RSPO1: variants seen among roughly 807,000 people sequenced by gnomAD.
RSPO1 encodes R-spondin 1.
Under a neutral mutation model 26.0 loss-of-function variants are expected in RSPO1, and 18 were observed. The ratio of observed to expected loss-of-function variants is 0.69; its 90% CI spans 0.48 to 1.03. The LOEUF is 1.03. Among genes scored for constraint, RSPO1 ranks in the 50% least tolerant of loss-of-function variants. The pLI is 0.00. For missense variants in RSPO1, 309 were observed against 352.3 expected (o/e 0.88, Z 0.98); for synonymous variants, 133 against 137.4 (o/e 0.97, Z 0.22).
chr1:37,613,001 G>A lies in RSPO1; in HGVS notation c.626-80C>T, dbSNP rs1312718528. The A allele has an allele frequency of 1.3e-6, 2 of 1,527,150 alleles. No homozygotes were observed. The highest frequency in any genetic ancestry group is 1.1e-5 in the South Asian group (1 of 89,254). The allele number at this position is 1,527,150 out of a possible 1,614,324, so 94.6% of individuals were successfully genotyped here. A position where few individuals can be genotyped will look rare whatever the true frequency, so the allele number is the denominator to read the frequency against. On this transcript the variant is annotated intron_variant, in intron 6 of 6. Transcript: ENST00000356545. This position sits in a 1 kb window ranked among gnomAD's most constrained non-coding sequence, Gnocchi z 4.5. ...GGCATGGCCACAGGCCCTAGGAGGG[G>A]AGTGTGAGGAAGCCGGAAGGGGAGG...
Position 37,634,455 on chromosome 1 carries a change from T to TC in RSPO1, c.-356+110dup, listed in dbSNP as rs1384827668. On this transcript the variant is annotated intron_variant, in intron 1 of 6. Transcript: ENST00000356545. This position sits in a 1 kb window ranked among gnomAD's most constrained non-coding sequence, Gnocchi z 4.7. ...GATCAGACTCCCCTTCCTTTCTGTC[T>TC]CCCCCCACGCACCCAGCTAGAACCA... 1.3e-5 allele frequency: 2 copies of TC among 151,570 alleles called. No individual in the cohort carries two copies. Among genetic ancestry groups the TC allele is most frequent in the African/African-American group, 2.4e-5 (1 of 41,104 alleles). 9.4% of individuals were successfully genotyped at this position (151,570 alleles called of 1,614,324 possible).
chr1:37,626,073 A>G (rs1257352003), intron 3 of RSPO1, among the ~76,000 whole-genome samples: 2 of 151,496 alleles, frequency 1.3e-5, no homozygotes, highest in African/African-American at 2.4e-5. Context: ...CACCTCCCCC[A>G]CCCTCTATGC....
intron 4 of RSPO1, among the ~76,000 whole-genome samples, chr1:37,615,128 T>C (rs1644091838): frequency 6.6e-6 from 1 of 152,120 alleles, no homozygotes; most frequent in Non-Finnish European, 1.5e-5. Context: ...TAGGAGCTGG[T>C]GTAGCCAGGA....
At chr1:37,622,606 G>A (rs1443141165) in intron 3 of RSPO1, among the ~76,000 whole-genome samples, 1 of 152,236 alleles carries the variant, frequency 6.6e-6, no homozygotes, top group African/African-American at 2.4e-5. Context: ...CAAGAGGAAG[G>A]GGAGCTTGGG....
rs963375979 is a variant in RSPO1 at position 37,611,384 on chromosome 1, A to C, written c.*1371T>G. 6.6e-6 allele frequency: 1 copy of C among 152,090 alleles called. No homozygotes were observed. The highest frequency in any genetic ancestry group is 1.5e-5 in the Non-Finnish European group (1 of 68,008). 9.4% of individuals were successfully genotyped at this position (152,090 alleles called of 1,614,324 possible). On this transcript the variant is annotated 3_prime_UTR_variant, in exon 7 of 7. Coordinates refer to ENST00000356545, the MANE Select transcript of RSPO1 (RefSeq NM_001242908.2). ...AAGTATTTTATTTTTATTCTGCTTT[A>C]TTCACTTTCATAGCTAAGCATAGAT... is the stretch of plus-strand genomic sequence containing the variant.
At chr1:37,633,226 C>T (rs887365576) in intron 1 of RSPO1, among the ~76,000 whole-genome samples, 9 of 152,250 alleles carry the variant, frequency 5.9e-5, no homozygotes, top group African/African-American at 1.7e-4. Flanking sequence ...AGGGACCTGC[C>T]CTCAGGTTTG....
intron 3 of RSPO1, among the ~76,000 whole-genome samples, chr1:37,623,151 A>G (rs530547831): frequency 2.0e-5 from 3 of 149,524 alleles, no homozygotes; most frequent in African/African-American, 7.4e-5. Flanking sequence ...AGGCAGGGTC[A>G]GTTCAATAAG....
At position 37,613,646 on chromosome 1, in the gene RSPO1, G is replaced by A. The variant is rs1258185158; in HGVS notation, c.625+58C>T. 6.9e-6 allele frequency: 10 copies of A among 1,458,860 alleles called. No homozygotes were observed. In the South Asian group the frequency reaches 1.0e-4, roughly 15 times the overall value. The allele number at this position is 1,458,860 out of a possible 1,614,324, so 90.4% of individuals were successfully genotyped here. A position where few individuals can be genotyped will look rare whatever the true frequency, so the allele number is the denominator to read the frequency against. ...CGTGGGCAGGAAGCAGAGGTGGCAGGACCTGTCATGGCTGGTGCCTGAGCC... is the reference window on the plus strand; with the variant it reads ...CGTGGGCAGGAAGCAGAGGTGGCAGAACCTGTCATGGCTGGTGCCTGAGCC... On this transcript the variant is annotated intron_variant, in intron 6 of 6. Coordinates refer to ENST00000356545, the MANE Select transcript of RSPO1 (RefSeq NM_001242908.2). This position sits in a 1 kb window ranked among gnomAD's most constrained non-coding sequence, Gnocchi z 4.5.
In RSPO1 at chr1:37,620,415, G is replaced by A. The variant is rs577260204; in HGVS notation, c.95-3740C>T. ...TGTAATCCCAGAACTTTGGGAAGCTGAGGTGAGGAGTTCGAGGCCAGCCTG... is the reference window on the plus strand; with the variant it reads ...TGTAATCCCAGAACTTTGGGAAGCTAAGGTGAGGAGTTCGAGGCCAGCCTG... On this transcript the variant is annotated intron_variant, in intron 3 of 6. Transcript: ENST00000356545. 7.2e-5 allele frequency among the ~76,000 whole-genome samples: 11 copies of A among 152,246 alleles called. No individual in the cohort carries two copies. In the South Asian group the frequency reaches 2.3e-3, roughly 32 times the overall value.
At position 37,614,450 on chromosome 1, in the gene RSPO1, T is replaced by C. The variant is rs543114900; in HGVS notation, c.287-117A>G. The C allele has an allele frequency of 1.4e-5, 16 of 1,174,614 alleles. No individual in the cohort carries two copies. In the African/African-American group the frequency reaches 2.4e-4, roughly 18 times the overall value. The allele number at this position is 1,174,614 out of a possible 1,614,324, so 72.8% of individuals were successfully genotyped here. ...CCCACCTACATGGAGGGCAGGACCC[T>C]GGCCTAGAGCTGCAGGTACTGCAGA... On this transcript the variant is annotated intron_variant, in intron 4 of 6. Coordinates refer to ENST00000356545, the MANE Select transcript of RSPO1 (RefSeq NM_001242908.2).
chr1:37,626,470 G>GT (rs1644277667), intron 3 of RSPO1, among the ~76,000 whole-genome samples: 2 of 152,276 alleles, frequency 1.3e-5, no homozygotes, highest in African/African-American at 4.8e-5. Context: ...ATGCCCTCGG[G>GT]TTTTCTCCTG....
At chr1:37,624,443 G>C (rs1644248088) in intron 3 of RSPO1, among the ~76,000 whole-genome samples, 1 of 152,002 alleles carries the variant, frequency 6.6e-6, no homozygotes, top group Admixed American at 6.5e-5. Flanking sequence ...AGCACCCCCA[G>C]CTCTGCCCTC....
rs1338100271 is a variant in RSPO1 at position 37,613,336 on chromosome 1, C to G, written c.625+368G>C. 1.3e-5 allele frequency among the ~76,000 whole-genome samples: 2 copies of G among 152,370 alleles called. No individual in the cohort carries two copies. The highest frequency in any genetic ancestry group is 3.9e-4 in the East Asian group (2 of 5,190). On this transcript the variant is annotated intron_variant, in intron 6 of 6. Coordinates refer to ENST00000356545, the MANE Select transcript of RSPO1 (RefSeq NM_001242908.2). The surrounding 1 kb of genome is among the most constrained non-coding windows in gnomAD (Gnocchi z 4.5). The stretch of plus-strand genomic sequence containing the variant: ...GCAAGAGCAGCAGCCAACCCCTTGC[C>G]AACTGCAGGCTGTGTGACTTTGGTG...
At chr1:37,624,023 G>A (rs1391550274) in intron 3 of RSPO1, among the ~76,000 whole-genome samples, 4 of 152,066 alleles carry the variant, frequency 2.6e-5, no homozygotes, top group African/African-American at 9.7e-5. Context: ...GCCTCCCAAA[G>A]TTCTGGGATT....
At chr1:37,622,601 G>A (rs1299680936) in intron 3 of RSPO1, among the ~76,000 whole-genome samples, 1 of 152,226 alleles carries the variant, frequency 6.6e-6, no homozygotes, top group Admixed American at 6.5e-5. Context: ...CTAGGCAAGA[G>A]GAAGGGGAGC....
At chr1:37,615,809 G>A (rs1644102167) in intron 4 of RSPO1, among the ~76,000 whole-genome samples, 1 of 152,216 alleles carries the variant, frequency 6.6e-6, no homozygotes, top group Admixed American at 6.5e-5. Flanking sequence ...GGAGTCAGAA[G>A]ACCAGGGAGA....
intron 3 of RSPO1, 35 bp from the exon 4 acceptor site, chr1:37,616,710 T>A: frequency 6.3e-7 from 1 of 1,587,070 alleles, no homozygotes; most frequent in Non-Finnish European, 8.7e-7. Flanking sequence ...AAGGCGGCTG[T>A]GGAGAGAACC....
chr1:37,613,799 C>T lies in RSPO1; in HGVS notation c.530G>A (p.Arg177His), dbSNP rs749332441. The T allele has an allele frequency of 4.3e-6, 7 of 1,613,894 alleles. No individual in the cohort carries two copies. The highest frequency in any genetic ancestry group is 1.1e-5 in the South Asian group (1 of 91,090). ...GFRRGSEERT[R>H]RVLHAPVGDH... Reference sequence around the variant, plus strand: ...CCCCACAGGGGCATGTAGCACCCTGCGTGTCCGCTCCTCGGAGCCCCTCCG... The same window carrying T: ...CCCCACAGGGGCATGTAGCACCCTGTGTGTCCGCTCCTCGGAGCCCCTCCG... Residue 177 changes from arginine (R) to histidine (H), a missense_variant, in exon 6 of 7, where the codon CGC becomes CAC. By Grantham distance (29) the Arg-to-His change is conservative. Coordinates refer to ENST00000356545, the MANE Select transcript of RSPO1 (RefSeq NM_001242908.2). This position sits in a 1 kb window ranked among gnomAD's most constrained non-coding sequence, Gnocchi z 4.5.
intron 3 of RSPO1, 129 bp downstream of exon 3, chr1:37,629,439 A>C: frequency 2.7e-6 from 2 of 741,334 alleles, no homozygotes; most frequent in Non-Finnish European, 4.8e-6. Flanking sequence ...GTGATCTACA[A>C]AGCTATAATA....
Sources: gnomAD v4.1 joint callset for allele counts (sites outside exome capture counted in the v4.1 genomes callset) on GRCh38, gnomAD v4.1.1 for gene constraint, Gnocchi (gnomAD v3.1) non-coding constraint, MANE v1.5 for transcripts, NCBI Gene and HGNC (gene_info 2026-07-23, HGNC 2026-07-21) for gene names.